DIAPH2: variants seen among roughly 807,000 people sequenced by gnomAD.
DIAPH2 encodes protein diaphanous homolog 2.
A neutral mutation model predicts 92.7 loss-of-function variants in DIAPH2; 35 were observed. The ratio of observed to expected loss-of-function variants is 0.38; its 90% CI spans 0.29 to 0.50. DIAPH2 has a LOEUF of 0.50. Ranked by LOEUF, DIAPH2 falls within the 20% of genes least tolerant of loss-of-function variation. DIAPH2 has a pLI of 0.94. For synonymous variants in DIAPH2, 301 were observed against 280.4 expected (o/e 1.07, Z -0.73); for missense variants, 701 against 819.5 (o/e 0.86, Z 1.77).
intron 26 of DIAPH2, among the ~76,000 whole-genome samples, chrX:97,574,941 G>C (rs139692902): frequency 0.037 from 4,178 of 111,873 alleles, 72 homozygotes; most frequent in Non-Finnish European, 0.055. Context: ...AGAAGCATAA[G>C]GCCTGCACTA....
chrX:97,161,338 G>A (rs750836388), intron 22 of DIAPH2, among the ~76,000 whole-genome samples: 1 of 111,335 alleles, frequency 9.0e-6, no homozygotes, highest in South Asian at 3.8e-4. Flanking sequence ...TTGGCATATA[G>A]CTGGTTCCAA....
intron 5 of DIAPH2, among the ~76,000 whole-genome samples, chrX:96,883,608 G>T (rs1425543854): frequency 9.0e-6 from 1 of 110,541 alleles, no homozygotes; most frequent in Non-Finnish European, 1.9e-5. Flanking sequence ...TCGAACTCCT[G>T]ACCTCAAGTA....
intron 26 of DIAPH2, among the ~76,000 whole-genome samples, chrX:97,524,454 T>TTC (rs1569417561): frequency 8.9e-6 from 1 of 112,376 alleles, no homozygotes; most frequent in Non-Finnish European, 1.9e-5. Context: ...TGTGCCTTTA[T>TTC]ATTTTACTTA....
At chrX:96,939,422 A>G (rs1218199204) in intron 12 of DIAPH2, 40 bp downstream of exon 12, 1 of 587,191 alleles carries the variant, frequency 1.7e-6, no homozygotes, top group African/African-American at 2.4e-5. Flanking sequence ...TATAATTTGA[A>G]TCGGATATTA....
intron 4 of DIAPH2, among the ~76,000 whole-genome samples, chrX:96,861,323 TC>T (rs977326861): frequency 1.2e-4 from 14 of 112,008 alleles, no homozygotes; most frequent in African/African-American, 3.9e-4. Context: ...TTCTTTGCTT[TC>T]TCCACCTCAG....
intron 26 of DIAPH2, among the ~76,000 whole-genome samples, chrX:97,479,814 T>C (rs1406382941): frequency 9.0e-6 from 1 of 111,447 alleles, no homozygotes; most frequent in Non-Finnish European, 1.9e-5. Context: ...CTACCTTGCT[T>C]TCACTATGTG....
At chrX:97,395,983 T>C (rs1286252418) in intron 25 of DIAPH2, among the ~76,000 whole-genome samples, 3 of 112,360 alleles carry the variant, frequency 2.7e-5, no homozygotes, top group African/African-American at 9.7e-5. Flanking sequence ...ATATATGATT[T>C]ATGCAACTTT....
chrX:97,285,797 A>C (rs2068537192), intron 23 of DIAPH2, among the ~76,000 whole-genome samples: 2 of 110,537 alleles, frequency 1.8e-5, no homozygotes, highest in African/African-American at 6.6e-5. Flanking sequence ...AGGTTTTACC[A>C]TGTTGGCCAG....
chrX:96,877,528 A>G (rs1569418191), intron 4 of DIAPH2, among the ~76,000 whole-genome samples: 1 of 111,781 alleles, frequency 8.9e-6, no homozygotes, highest in African/African-American at 3.2e-5. Context: ...TGTACAATCA[A>G]TAGTTCTGTC....
intron 4 of DIAPH2, among the ~76,000 whole-genome samples, chrX:96,875,218 A>G (rs182117595): frequency 1.2e-4 from 13 of 112,067 alleles, no homozygotes; most frequent in Non-Finnish European, 2.1e-4. Flanking sequence ...GAAAATCAGA[A>G]CTCTGAAACA....
At chrX:96,968,186 C>G (rs2065905234) in intron 17 of DIAPH2, among the ~76,000 whole-genome samples, 1 of 109,547 alleles carries the variant, frequency 9.1e-6, no homozygotes, top group Admixed American at 9.7e-5. Flanking sequence ...TGTTTGTCAG[C>G]CTCTTGTATG....
rs143029608 is a variant in DIAPH2, at chrX:96,948,937, C to T, written c.1512C>T (p.Phe504=). 1.3e-3 allele frequency: 1,586 copies of T among 1,176,431 alleles called. 18 individuals carry two copies. The African/African-American group carries it at 0.021, about 16-fold the overall frequency. The change falls in exon 15 of 27, where the codon TTC becomes TTT. Residue 504 remains phenylalanine, a splice_region_variant and synonymous_variant. Transcript: ENST00000324765. ...TACATTGATGGTGATCATTGCAGTT[C>T]GATGAAGAATTCACAGCTCGACAGG... ...EQKAAEFSKK[F]DEEFTARQEA...
chrX:97,563,562 A>C (rs1421199237), intron 26 of DIAPH2, among the ~76,000 whole-genome samples: 1 of 111,673 alleles, frequency 9.0e-6, no homozygotes, highest in African/African-American at 3.3e-5. Flanking sequence ...AATTAAGGAA[A>C]CTAAAGTAGG....
intron 23 of DIAPH2, among the ~76,000 whole-genome samples, chrX:97,308,614 C>CTTTTTT (rs34812351): frequency 4.9e-5 from 2 of 40,916 alleles, no homozygotes; most frequent in African/African-American, 7.6e-5. Flanking sequence ...GAAACCCCAT[C>CTTTTTT]TTTTTTTTTT....
intron 17 of DIAPH2, among the ~76,000 whole-genome samples, chrX:96,988,027 G>A (rs1260551472): frequency 2.7e-5 from 3 of 109,949 alleles, no homozygotes; most frequent in Non-Finnish European, 5.7e-5. Flanking sequence ...TTTCCAGAAA[G>A]TATGGGTTCC....
At chrX:96,705,695 A>G (rs2063881695) in intron 1 of DIAPH2, among the ~76,000 whole-genome samples, 2 of 112,410 alleles carry the variant, frequency 1.8e-5, no homozygotes, top group Admixed American at 9.4e-5. Flanking sequence ...TCAATGCATT[A>G]GAAACATAGT....
chrX:97,391,064 T>C (rs1056637784), intron 25 of DIAPH2, among the ~76,000 whole-genome samples: 3 of 110,879 alleles, frequency 2.7e-5, no homozygotes, highest in African/African-American at 9.7e-5. Context: ...TATGTGCCTT[T>C]GTACTTATAA....
chrX:97,200,989 T>C (rs2147493071), intron 22 of DIAPH2, among the ~76,000 whole-genome samples: 2 of 111,182 alleles, frequency 1.8e-5, no homozygotes, highest in Admixed American at 1.9e-4. Context: ...GATAACAGTC[T>C]TTGCTGTTCT....
chrX:97,260,921 T>TTTAA (rs199688582), intron 23 of DIAPH2, among the ~76,000 whole-genome samples: 1,319 of 112,235 alleles, frequency 0.012, 26 homozygotes, highest in African/African-American at 0.041. Context: ...ACTTTTTTTA[T>TTTAA]TTAAACAGCT....
Sources: allele counts gnomAD v4.1 joint callset (sites outside exome capture counted in the v4.1 genomes callset), GRCh38; gene constraint gnomAD v4.1.1; transcripts MANE v1.5; gene names NCBI Gene and HGNC (gene_info 2026-07-23, HGNC 2026-07-21).